DOCK7: variants seen among roughly 807,000 people sequenced by gnomAD.
The protein encoded by DOCK7 is dedicator of cytokinesis protein 7.
DOCK7 carries 138 observed loss-of-function variants against 271.0 expected under a neutral mutation model. That is an observed-to-expected ratio of 0.51 (90% CI 0.44 to 0.59). The LOEUF is 0.59. DOCK7 is among the 20% of genes least tolerant of loss of function. DOCK7 has a pLI of 0.00. For missense variants in DOCK7, 2,066 were observed against 2,592.4 expected, an observed-to-expected ratio of 0.80 and a Z score of 4.41; for synonymous variants, 823 against 876.1, an observed-to-expected ratio of 0.94 and a Z score of 1.07.
chr1:62,619,684 G>C (rs1160816034), intron 13 of DOCK7, among the ~76,000 whole-genome samples: 2 of 152,088 alleles, frequency 1.3e-5, no homozygotes, highest in African/African-American at 4.8e-5. Flanking sequence ...ATAGGTAAGT[G>C]GGGACTACTG....
intron 43 of DOCK7, chr1:62,486,603 A>G (rs1401925105): frequency 6.6e-6 from 1 of 152,130 alleles, no homozygotes; most frequent in Non-Finnish European, 1.5e-5. Flanking sequence ...ATTTACATAT[A>G]ACTTTTTGTG....
chr1:62,528,447 T>A, intron 30 of DOCK7, 142 bp from the exon 31 acceptor site: 1 of 770,156 alleles, frequency 1.3e-6, no homozygotes, highest in Non-Finnish European at 1.9e-6. Flanking sequence ...ATATTTTAAA[T>A]ATCTTTAACA....
At chr1:62,475,137 ATTTC>A in intron 47 of DOCK7, 67 bp downstream of exon 47, 2 of 1,478,572 alleles carry the variant, frequency 1.4e-6, no homozygotes, top group Non-Finnish European at 1.8e-6. Context: ...CTTAACAATT[ATTTC>A]TGATCTGAAA....
At chr1:62,579,693 C>A (rs1296082958) in intron 16 of DOCK7, among the ~76,000 whole-genome samples, 17 of 79,834 alleles carry the variant, frequency 2.1e-4, no homozygotes, top group Non-Finnish European at 3.1e-4. Context: ...CAGAGTGAGA[C>A]CGAAAAAAAA....
intron 15 of DOCK7, among the ~76,000 whole-genome samples, chr1:62,583,704 A>G (rs1647209792): frequency 6.6e-6 from 1 of 152,154 alleles, no homozygotes; most frequent in African/African-American, 2.4e-5. Context: ...CAGAAATCCT[A>G]TTTTAGGTCA....
chr1:62,455,444 A>G lies in DOCK7; in HGVS notation c.6393T>C (p.Ser2131=), dbSNP rs1645319687. 1 of 1,613,580 alleles carries G rather than the reference A, an allele frequency of 6.2e-7. No individual in the cohort carries two copies. Among genetic ancestry groups the G allele is most frequent in the Non-Finnish European group, 8.5e-7 (1 of 1,179,816 alleles). The part of the protein sequence containing the change: ...LPVTCHRDSF[S]RMSLRKMDL ...GATCCATTTTGCGAAGGCTCATTCGACTGAAGGAATCTCTGGGAAAAAAAT... is the reference window on the plus strand; with the variant it reads ...GATCCATTTTGCGAAGGCTCATTCGGCTGAAGGAATCTCTGGGAAAAAAAT... Residue 2131 remains serine, a synonymous_variant, in exon 50 of 50, where the codon AGT becomes AGC. Transcript: ENST00000635253.
intron 1 of DOCK7, among the ~76,000 whole-genome samples, chr1:62,663,398 C>T (rs1235042323): frequency 6.6e-6 from 1 of 152,062 alleles, no homozygotes; most frequent in East Asian, 1.9e-4. Flanking sequence ...AGGGAACACA[C>T]TTTGGCCTAC....
chr1:62,463,988 G>GT (rs1267735107), intron 48 of DOCK7, among the ~76,000 whole-genome samples: 1 of 151,998 alleles, frequency 6.6e-6, no homozygotes, highest in Non-Finnish European at 1.5e-5. Flanking sequence ...AATGAAAAAC[G>GT]TTTTAAAAAA....
rs1645051742 is a variant in DOCK7 at position 62,527,704 on chromosome 1, A to AACATCAC, written c.3936+440_3936+446dup. Among the ~76,000 whole-genome samples the AACATCAC allele has an allele frequency of 2.1e-5, 3 of 142,022 alleles. No homozygotes were observed. The South Asian group carries it at 6.8e-4, about 32-fold the overall frequency. 93.2% of individuals were successfully genotyped at this position (142,022 alleles called of 152,430 possible). On this transcript the variant is annotated intron_variant, in intron 31 of 49. Transcript: ENST00000635253. ...GAGAACACATGGACACAGGAAGGGG[A>AACATCAC]ACATCACATACCGGGGCCTGTTGTG... is the stretch of plus-strand genomic sequence containing the variant.
chr1:62,665,953 T>C (rs996233566), intron 1 of DOCK7, among the ~76,000 whole-genome samples: 2 of 151,482 alleles, frequency 1.3e-5, no homozygotes, highest in Admixed American at 1.3e-4. Flanking sequence ...CACAAGGTCA[T>C]GAGATCAGGA....
chr1:62,475,889 C>A lies in DOCK7; in HGVS notation c.5779G>T (p.Asp1927Tyr). Residue 1927 changes from aspartate to tyrosine, a missense_variant, in exon 46 of 50, where the codon GAC becomes TAC. Coordinates refer to ENST00000635253, the MANE Select transcript of DOCK7 (RefSeq NM_001367561.1). ...TTTTTGTCGAAATAGGTGATTCTGT[C>A]CTTCATCTCATATGTGTCAAAGTAT... ...EPYFDTYEMK[D>Y]RITYFDKNYN... 4 of 1,614,020 alleles carry A rather than the reference C, an allele frequency of 2.5e-6. No individual in the cohort carries two copies. The highest frequency in any genetic ancestry group is 3.4e-6 in the Non-Finnish European group (4 of 1,179,944).
At position 62,542,859 on chromosome 1, in the gene DOCK7, C is replaced by T. The variant is rs993880509; in HGVS notation, c.2950-156G>A. 4.6e-5 allele frequency among the ~76,000 whole-genome samples: 7 copies of T among 152,154 alleles called. 1 individual carries two copies. The highest frequency in any genetic ancestry group is 3.4e-3 in the Middle Eastern group (1 of 294). ...GCACTGAAGACACCCATTAACGAAA[C>T]GGCTATTTATGTATGTAAGACAGTG... On this transcript the variant is annotated intron_variant, in intron 24 of 49. Transcript: ENST00000635253.
intron 1 of DOCK7, among the ~76,000 whole-genome samples, chr1:62,685,471 C>A (rs1661621797): frequency 6.6e-6 from 1 of 152,106 alleles, no homozygotes; most frequent in Non-Finnish European, 1.5e-5. Flanking sequence ...CATAGCAGTT[C>A]TGTCTTTGGT....
chr1:62,583,805 T>A (rs979310157), intron 15 of DOCK7, among the ~76,000 whole-genome samples: 3 of 152,120 alleles, frequency 2.0e-5, no homozygotes, highest in African/African-American at 7.2e-5. Context: ...ATATATATAT[T>A]TTTAATCCAC....
chr1:62,552,933 A>G (rs1321252219), intron 21 of DOCK7, 32 bp from the exon 22 acceptor site: 2 of 1,426,116 alleles, frequency 1.4e-6, no homozygotes, highest in Non-Finnish European at 1.9e-6. Flanking sequence ...CACATAATTA[A>G]AGAAAATTAG....
At chr1:62,546,710 A>T (rs1033970376) in intron 22 of DOCK7, among the ~76,000 whole-genome samples, 1 of 152,156 alleles carries the variant, frequency 6.6e-6, no homozygotes, top group South Asian at 2.1e-4. Context: ...ATTAGACAAT[A>T]TCAAAATACT....
intron 4 of DOCK7, among the ~76,000 whole-genome samples, chr1:62,652,006 T>C (rs1013115714): frequency 1.8e-4 from 27 of 152,270 alleles, no homozygotes; most frequent in African/African-American, 6.0e-4. Context: ...GTATGAGGAA[T>C]CCTTCTTCCT....
intron 14 of DOCK7, among the ~76,000 whole-genome samples, chr1:62,603,581 A>G (rs2149540784): frequency 6.6e-6 from 1 of 151,914 alleles, no homozygotes; most frequent in East Asian, 1.9e-4. Flanking sequence ...AATACTTAAC[A>G]CATCTCTTGA....
chr1:62,535,611 C>T lies in DOCK7; in HGVS notation c.3493G>A (p.Val1165Ile). 7 of 1,613,650 alleles carry T rather than the reference C, an allele frequency of 4.3e-6. No individual in the cohort carries two copies. The highest frequency in any genetic ancestry group is 5.9e-6 in the Non-Finnish European group (7 of 1,179,728). ...ATATTTGCAATCTTTTGGTCTTGTA[C>T]ATTCGTAGAAAATCCAGAACTCTGT... is the stretch of plus-strand genomic sequence containing the variant. The part of the protein sequence containing the change: ...TSQSSGFSTN[V>I]QDQKIANMFE... The change falls in exon 29 of 50, where the codon GTA (valine) becomes ATA (isoleucine). Residue 1165 changes from valine to isoleucine, a missense_variant. Transcript: ENST00000635253.
Sources: allele counts gnomAD v4.1 joint callset (sites outside exome capture counted in the v4.1 genomes callset), GRCh38; gene constraint gnomAD v4.1.1; transcripts MANE v1.5; gene names NCBI Gene and HGNC (gene_info 2026-07-23, HGNC 2026-07-21).